The following RBPMS2 variants were observed in gnomAD, a reference collection of about 807,000 sequenced individuals.
RBPMS2 encodes the protein RNA binding protein, mRNA processing factor 2.
In RBPMS2, 14 loss-of-function variants were observed where a neutral mutation model predicts 25.7. The observed-to-expected ratio is 0.55, with a 90% CI of 0.36 to 0.85. The LOEUF is 0.85. Among genes scored for constraint, RBPMS2 ranks in the 40% least tolerant of loss-of-function variants. The pLI is 0.01. For missense variants in RBPMS2, 252 were observed against 283.4 expected (o/e 0.89, Z 0.80); for synonymous variants, 127 against 115.6 (o/e 1.10, Z -0.63).
Position 64,747,594 on chromosome 15 carries a change from CTG to C in RBPMS2, c.567+823_567+824del, listed in dbSNP as rs2083630131. On this transcript the variant is annotated intron_variant, in intron 6 of 7. Coordinates refer to ENST00000300069, the MANE Select transcript of RBPMS2 (RefSeq NM_194272.3). The stretch of plus-strand genomic sequence containing the variant: ...GCCTGGCTGCAACTTGTCACTGCCA[CTG>C]TGAGGCACCCCACTGCTCCCCGACA... Among the ~76,000 whole-genome samples the C allele has an allele frequency of 2.0e-5, 3 of 152,284 alleles. No individual in the cohort carries two copies. In the South Asian group the frequency reaches 6.2e-4, roughly 32 times the overall value.
At chr15:64,770,938 A>T (rs1265008697) in intron 1 of RBPMS2, among the ~76,000 whole-genome samples, 5 of 152,166 alleles carry the variant, frequency 3.3e-5, no homozygotes, top group Non-Finnish European at 7.4e-5. Context: ...CCAGGCCTGC[A>T]AGCAGCAGCC....
intron 1 of RBPMS2, among the ~76,000 whole-genome samples, chr15:64,769,706 TTTA>T (rs1416273630): frequency 6.6e-6 from 1 of 152,106 alleles, no homozygotes; most frequent in Non-Finnish European, 1.5e-5. Context: ...GCTTGGTTTG[TTTA>T]TTATCTTCGT....
rs751626224 is a variant in RBPMS2 at position 64,751,567 on chromosome 15, C to T, written c.159G>A (p.Pro53=). 8 of 1,613,610 alleles carry T rather than the reference C, an allele frequency of 5.0e-6. No homozygotes were observed. The highest frequency in any genetic ancestry group is 1.1e-5 in the South Asian group (1 of 91,072). Reference sequence around the variant, plus strand: ...CGGCTGGGTCCTGACTCACCTTGAACGGCCGGAAGAGCAAGTAGAGTTCTC... The same window carrying T: ...CGGCTGGGTCCTGACTCACCTTGAATGGCCGGAAGAGCAAGTAGAGTTCTC... ...KPRELYLLFR[P]FKGYEGSLIK... Residue 53 remains proline, a synonymous_variant, in exon 2 of 8, where the codon CCG becomes CCA. Coordinates refer to ENST00000300069, the MANE Select transcript of RBPMS2 (RefSeq NM_194272.3).
Position 64,751,612 on chromosome 15 carries a change from G to C in RBPMS2, c.114C>G (p.Leu38=). The change falls in exon 2 of 8, where the codon CTC becomes CTG. Residue 38 remains leucine, a synonymous_variant. Coordinates refer to ENST00000300069, the MANE Select transcript of RBPMS2 (RefSeq NM_194272.3). ...EEVRTLFVSG[L]PVDIKPRELY... is the part of the protein sequence containing the mutation. ...GTTCTCTGGGTTTAATGTCCACAGG[G>C]AGGCCGCTGACAAACAGTGTCCGGA... The C allele has an allele frequency of 6.2e-7, 1 of 1,614,036 alleles. No homozygotes were observed. The highest frequency in any genetic ancestry group is 8.5e-7 in the Non-Finnish European group (1 of 1,179,996).
intron 1 of RBPMS2, among the ~76,000 whole-genome samples, chr15:64,772,479 C>T (rs1027822684): frequency 1.3e-5 from 2 of 151,908 alleles, no homozygotes; most frequent in African/African-American, 4.8e-5. Flanking sequence ...TCCCAAGTGG[C>T]AGAAAAATGC....
intron 6 of RBPMS2, among the ~76,000 whole-genome samples, chr15:64,748,114 C>CAT: frequency 6.6e-6 from 1 of 152,264 alleles, no homozygotes; most frequent in Non-Finnish European, 1.5e-5. Flanking sequence ...GGACTGGAAT[C>CAT]ATAGTCCCAT....
intron 1 of RBPMS2, among the ~76,000 whole-genome samples, chr15:64,752,433 A>T (rs928474336): frequency 2.0e-5 from 3 of 152,064 alleles, no homozygotes; most frequent in African/African-American, 7.2e-5. Flanking sequence ...CTCCTACACG[A>T]GATGTGGGAC....
At chr15:64,750,056 C>CA (rs748378695) in intron 3 of RBPMS2, among the ~76,000 whole-genome samples, 7,599 of 138,302 alleles carry the variant, frequency 0.055, 231 homozygotes, top group South Asian at 0.093. Flanking sequence ...AACTCCATCT[C>CA]AAAAAAAAAA....
chr15:64,749,305 T>C, intron 4 of RBPMS2, 126 bp downstream of exon 4: 1 of 1,293,294 alleles, frequency 7.7e-7, no homozygotes, highest in Non-Finnish European at 1.1e-6. Flanking sequence ...CCTTGAGTAA[T>C]GGCCTTTGGC....
intron 1 of RBPMS2, among the ~76,000 whole-genome samples, chr15:64,774,057 G>C (rs560597116): frequency 6.6e-6 from 1 of 152,348 alleles, no homozygotes; most frequent in Non-Finnish European, 1.5e-5. Context: ...GAAGGTCTCT[G>C]AATAGCCGAG....
At chr15:64,750,439 A>G in intron 2 of RBPMS2, 58 bp from the exon 3 acceptor site, 1 of 1,465,702 alleles carries the variant, frequency 6.8e-7, no homozygotes, top group Non-Finnish European at 9.6e-7. Flanking sequence ...GTGCTAGCCC[A>G]GCGCTGCCAC....
In RBPMS2 at chr15:64,751,629, G is replaced by A; in HGVS notation, c.97C>T (p.Leu33=). 1.2e-6 allele frequency: 2 copies of A among 1,613,932 alleles called. No homozygotes were observed. The highest frequency in any genetic ancestry group is 2.2e-5 in the South Asian group (2 of 91,076). ...TCCACAGGGAGGCCGCTGACAAACA[G>A]TGTCCGGACCTGGAGACAGAGACCA... ...GGALEEEVRT[L]FVSGLPVDIK... The change falls in exon 2 of 8, where the codon CTG becomes TTG. Residue 33 remains leucine, a synonymous_variant. Transcript: ENST00000300069.
chr15:64,747,546 C>T (rs1467000689), intron 6 of RBPMS2, among the ~76,000 whole-genome samples: 1 of 152,124 alleles, frequency 6.6e-6, no homozygotes. Flanking sequence ...CTCAAAAGTG[C>T]CCCCCAGCCC....
chr15:64,766,530 CTTTTTT>C (rs553968428), intron 1 of RBPMS2, among the ~76,000 whole-genome samples: 1 of 141,736 alleles, frequency 7.1e-6, no homozygotes, highest in African/African-American at 2.6e-5. Context: ...TTAATGGTGG[CTTTTTT>C]TTTTTTTTAA....
Position 64,741,118 on chromosome 15 carries a change from T to G in RBPMS2, c.*7+55A>C, listed in dbSNP as rs2083557597. The G allele has an allele frequency of 2.2e-6, 3 of 1,389,698 alleles. No individual in the cohort carries two copies. In the South Asian group the frequency reaches 3.7e-5, roughly 17 times the overall value. The allele number at this position is 1,389,698 out of a possible 1,614,324, so 86.1% of individuals were successfully genotyped here. ...GGGGCAGAGGGAGGAACTACGGCCC[T>G]TCAGGGAGCCGGAGTCTAGGACACT... On this transcript the variant is annotated intron_variant, in intron 7 of 7. Coordinates refer to ENST00000300069, the MANE Select transcript of RBPMS2 (RefSeq NM_194272.3).
chr15:64,772,805 C>T (rs1595797679), intron 1 of RBPMS2, among the ~76,000 whole-genome samples: 1 of 152,252 alleles, frequency 6.6e-6, no homozygotes, highest in East Asian at 1.9e-4. Context: ...CACCTACCAC[C>T]ACTTCCTGGC....
intron 1 of RBPMS2, among the ~76,000 whole-genome samples, chr15:64,765,411 C>T (rs1204989141): frequency 7.3e-6 from 1 of 137,466 alleles, no homozygotes; most frequent in East Asian, 2.2e-4. Context: ...AAGACTCCGT[C>T]TCAAAAAAAA....
intron 1 of RBPMS2, chr15:64,762,625 C>A: frequency 2.2e-6 from 1 of 452,152 alleles, no homozygotes; most frequent in South Asian, 1.7e-5. Context: ...AACCTCAAAA[C>A]AACGTCAGGA....
intron 4 of RBPMS2, 86 bp downstream of exon 4, chr15:64,749,345 G>A (rs1159450975): frequency 7.2e-7 from 1 of 1,390,936 alleles, no homozygotes; most frequent in Non-Finnish European, 1.0e-6. Flanking sequence ...ACTCTGCCCA[G>A]GGATGGCCGG....
Sources: allele counts gnomAD v4.1 joint callset (sites outside exome capture counted in the v4.1 genomes callset), GRCh38; gene constraint gnomAD v4.1.1; transcripts MANE v1.5; gene names NCBI Gene and HGNC (gene_info 2026-07-23, HGNC 2026-07-21).